The following SLC41A2 variants were observed in gnomAD, a reference collection of about 807,000 sequenced individuals.
SLC41A2 encodes SLC41A1-like 1.
SLC41A2 carries 32 observed loss-of-function variants against 58.3 expected under a neutral mutation model. The observed-to-expected ratio is 0.55, with a 90% CI of 0.41 to 0.74. The LOEUF (loss-of-function observed/expected upper bound fraction) is 0.74. SLC41A2 is among the 30% of genes least tolerant of loss of function. SLC41A2 has a pLI of 0.00. For missense variants in SLC41A2, 514 were observed against 680.6 expected, an observed-to-expected ratio of 0.76 and a Z score of 2.72; for synonymous variants, 190 against 235.0, an observed-to-expected ratio of 0.81 and a Z score of 1.75.
At chr12:104,819,911 TCTTCAGC>T (rs2041560385) in intron 10 of SLC41A2, among the ~76,000 whole-genome samples, 1 of 152,198 alleles carries the variant, frequency 6.6e-6, no homozygotes, top group Admixed American at 6.5e-5. Context: ...GATTCTGCAT[TCTTCAGC>T]CAGTTAACAG....
chr12:104,920,451 C>T (rs1198374676), intron 2 of SLC41A2, among the ~76,000 whole-genome samples: 4 of 151,590 alleles, frequency 2.6e-5, no homozygotes, highest in South Asian at 2.1e-4. Flanking sequence ...GAAAACAAAT[C>T]GTAAAACTGA....
chr12:104,863,966 T>C (rs1376184112), intron 7 of SLC41A2, among the ~76,000 whole-genome samples: 4 of 152,006 alleles, frequency 2.6e-5, no homozygotes, highest in Non-Finnish European at 5.9e-5. Flanking sequence ...TTTTTTTTTT[T>C]TTTTCTTAGA....
intron 10 of SLC41A2, among the ~76,000 whole-genome samples, chr12:104,829,799 T>C (rs1027813833): frequency 5.4e-5 from 8 of 148,704 alleles, no homozygotes; most frequent in Non-Finnish European, 1.2e-4. Flanking sequence ...ATTTTAGTTT[T>C]CAACATTTAA....
chr12:104,869,946 T>C (rs985696878), intron 6 of SLC41A2, among the ~76,000 whole-genome samples: 1 of 152,204 alleles, frequency 6.6e-6, no homozygotes, highest in Non-Finnish European at 1.5e-5. Flanking sequence ...ATGAAACACA[T>C]TTAAAAGATC....
chr12:104,876,768 A>G (rs1366739946), intron 6 of SLC41A2, among the ~76,000 whole-genome samples: 3 of 152,146 alleles, frequency 2.0e-5, no homozygotes, highest in Non-Finnish European at 4.4e-5. Flanking sequence ...GTTGGATGGA[A>G]TGTTTTGTAC....
At position 104,804,454 on chromosome 12, in the gene SLC41A2, C is replaced by CCAA. The variant is rs1275616818; in HGVS notation, c.*695_*697dup. ...TTTTTTAAAACACATCAACATTTTT[C>CCAA]CAACAAATCAATCATCAAAAAATGA... On this transcript the variant is annotated 3_prime_UTR_variant, in exon 11 of 11. Transcript: ENST00000258538. The CCAA allele has an allele frequency of 6.6e-6, 1 of 152,072 alleles. No individual in the cohort carries two copies. Among genetic ancestry groups the CCAA allele is most frequent in the Non-Finnish European group, 1.5e-5 (1 of 68,020 alleles). The allele number at this position is 152,072 out of a possible 1,614,324, so 9.4% of individuals were successfully genotyped here.
chr12:104,912,678 C>G (rs1263441909), intron 2 of SLC41A2, among the ~76,000 whole-genome samples: 1 of 152,192 alleles, frequency 6.6e-6, no homozygotes, highest in Non-Finnish European at 1.5e-5. Flanking sequence ...CTTCAGCAGA[C>G]CAATCAAGCC....
intron 10 of SLC41A2, among the ~76,000 whole-genome samples, chr12:104,807,673 G>T (rs146469587): frequency 0.013 from 1,971 of 152,264 alleles, 38 homozygotes; most frequent in African/African-American, 0.044. Flanking sequence ...CCATTTTCAT[G>T]ATATTGATTC....
chr12:104,892,323 A>G (rs1565879519), intron 4 of SLC41A2, among the ~76,000 whole-genome samples: 1 of 136,912 alleles, frequency 7.3e-6, no homozygotes. Context: ...AAATAAAATA[A>G]AATAAAATAA....
intron 6 of SLC41A2, among the ~76,000 whole-genome samples, chr12:104,883,731 C>T (rs562653863): frequency 4.3e-4 from 66 of 152,290 alleles, no homozygotes; most frequent in South Asian, 1.0e-3. Context: ...GAGGGACACC[C>T]GGCTGTATGA....
intron 6 of SLC41A2, among the ~76,000 whole-genome samples, chr12:104,867,219 T>A (rs79065075): frequency 6.6e-6 from 1 of 152,092 alleles, no homozygotes; most frequent in East Asian, 1.9e-4. Flanking sequence ...TCTCAATTCA[T>A]ATTTAATTCT....
At chr12:104,892,497 G>GA (rs902483283) in intron 4 of SLC41A2, among the ~76,000 whole-genome samples, 20 of 147,604 alleles carry the variant, frequency 1.4e-4, no homozygotes, top group South Asian at 1.1e-3. Context: ...CACAGAAATA[G>GA]AAAAAAAAAA....
At chr12:104,829,924 A>T (rs1592953402) in intron 10 of SLC41A2, among the ~76,000 whole-genome samples, 1 of 152,336 alleles carries the variant, frequency 6.6e-6, no homozygotes, top group East Asian at 1.9e-4. Context: ...TTTACATATC[A>T]TCTATGACTA....
At chr12:104,846,850 G>A (rs149522711) in intron 8 of SLC41A2, among the ~76,000 whole-genome samples, 10 of 152,312 alleles carry the variant, frequency 6.6e-5, no homozygotes, top group African/African-American at 2.4e-4. Flanking sequence ...CTGCTGACTA[G>A]ATTGACTCAA....
At chr12:104,850,712 A>C (rs1218527003) in intron 8 of SLC41A2, among the ~76,000 whole-genome samples, 1 of 152,238 alleles carries the variant, frequency 6.6e-6, no homozygotes. Flanking sequence ...TCTTAAACTA[A>C]ATGTAGCTTC....
intron 8 of SLC41A2, among the ~76,000 whole-genome samples, chr12:104,860,685 T>C (rs939771661): frequency 9.9e-5 from 15 of 152,104 alleles, no homozygotes; most frequent in Non-Finnish European, 2.2e-4. Flanking sequence ...GCAATCCTCC[T>C]GCCTCAGCCT....
At chr12:104,901,055 T>C (rs529370571) in intron 3 of SLC41A2, among the ~76,000 whole-genome samples, 28 of 152,174 alleles carry the variant, frequency 1.8e-4, no homozygotes, top group African/African-American at 6.0e-4. Flanking sequence ...AAAGGTAGAG[T>C]GTTGCTAAAT....
At chr12:104,835,243 C>T (rs903960066) in intron 10 of SLC41A2, among the ~76,000 whole-genome samples, 1 of 152,166 alleles carries the variant, frequency 6.6e-6, no homozygotes, top group Admixed American at 6.5e-5. Context: ...GAAGCCAGAG[C>T]CCAAGCCCTA....
rs112437484 is a variant in SLC41A2 at position 104,812,865 on chromosome 12, C to CAA, written c.1537-7530_1537-7529dup. 5.2e-3 allele frequency among the ~76,000 whole-genome samples: 761 copies of CAA among 146,916 alleles called. 9 individuals are homozygous for CAA. Among genetic ancestry groups the CAA allele is most frequent in the African/African-American group, 0.018 (722 of 40,068 alleles). On this transcript the variant is annotated intron_variant, in intron 10 of 10. Transcript: ENST00000258538. ...GTGATAGCTATTGATGGAGCACTTG[C>CAA]AAAAAAAAAAATTAAGAAATTTAAA... is the stretch of plus-strand genomic sequence containing the variant.
Sources: gnomAD v4.1 joint callset for allele counts (sites outside exome capture counted in the v4.1 genomes callset) on GRCh38, gnomAD v4.1.1 for gene constraint, MANE v1.5 for transcripts, NCBI Gene and HGNC (gene_info 2026-07-23, HGNC 2026-07-21) for gene names.